Variants in MAPK8IP3 observed in about 807,000 individuals in gnomAD.
The protein encoded by MAPK8IP3 is mitogen-activated protein kinase 8 interacting protein 3.
MAPK8IP3 carries 49 observed loss-of-function variants against 157.8 expected under a neutral mutation model. The observed-to-expected ratio is 0.31, with a 90% CI of 0.25 to 0.39. The LOEUF (loss-of-function observed/expected upper bound fraction) is 0.39. Among genes scored for constraint, MAPK8IP3 ranks in the 10% least tolerant of loss-of-function variants. The pLI is 1.00. For synonymous variants in MAPK8IP3, 897 were observed against 777.7 expected, an observed-to-expected ratio of 1.15 and a Z score of -2.55; for missense variants, 1,478 against 1,889.4, an observed-to-expected ratio of 0.78 and a Z score of 4.04.
At chr16:1,740,514 C>T (rs539051214) in intron 4 of MAPK8IP3, among the ~76,000 whole-genome samples, 9 of 152,336 alleles carry the variant, frequency 5.9e-5, no homozygotes, top group Middle Eastern at 3.4e-3. Context: ...CGTGTGCGCA[C>T]GCTGTGGCCC....
chr16:1,717,196 A>T (rs1334476153), intron 1 of MAPK8IP3, among the ~76,000 whole-genome samples: 1 of 150,990 alleles, frequency 6.6e-6, no homozygotes, highest in East Asian at 1.9e-4. Flanking sequence ...AGATCGTGCC[A>T]CTGCATTCCA....
At chr16:1,744,307 G>T in intron 5 of MAPK8IP3, 1 of 985,920 alleles carries the variant, frequency 1.0e-6, no homozygotes. Context: ...GGCTGGGTTG[G>T]GCTGGTGGAT....
intron 8 of MAPK8IP3, among the ~76,000 whole-genome samples, chr16:1,757,491 T>C (rs1411421700): frequency 6.6e-6 from 1 of 152,158 alleles, no homozygotes; most frequent in African/African-American, 2.4e-5. Context: ...GAGGAAGTGG[T>C]GTTTTCCCGC....
intron 8 of MAPK8IP3, among the ~76,000 whole-genome samples, chr16:1,749,659 A>G (rs1275973219): frequency 1.3e-5 from 2 of 152,246 alleles, no homozygotes; most frequent in African/African-American, 4.8e-5. Context: ...GGCGGGCAGT[A>G]GGACAGCGCA....
Position 1,724,144 on chromosome 16 carries a change from C to T in MAPK8IP3, c.319-413C>T, listed in dbSNP as rs1183881594. 2.0e-5 allele frequency among the ~76,000 whole-genome samples: 3 copies of T among 152,212 alleles called. No individual in the cohort carries two copies. Among genetic ancestry groups the T allele is most frequent in the Non-Finnish European group, 4.4e-5 (3 of 68,036 alleles). On this transcript the variant is annotated intron_variant, in intron 1 of 31. Coordinates refer to ENST00000610761, the MANE Select transcript of MAPK8IP3 (RefSeq NM_001318852.2). This position sits in a 1 kb window ranked among gnomAD's most constrained non-coding sequence, Gnocchi z 4.1. ...CCAGTGTAAAAATGGAAACACAGGG[C>T]TCTATGTTCAAAAATTAGCAACATT...
intron 8 of MAPK8IP3, chr16:1,752,587 T>C: frequency 3.6e-6 from 1 of 280,928 alleles, no homozygotes; most frequent in Non-Finnish European, 7.2e-6. Flanking sequence ...TACAAAACAT[T>C]TTATAAAAAA....
intron 4 of MAPK8IP3, among the ~76,000 whole-genome samples, chr16:1,737,161 T>C (rs2040001093): frequency 1.1e-5 from 1 of 87,904 alleles, no homozygotes; most frequent in Non-Finnish European, 2.2e-5. Flanking sequence ...ACCGTCCGTG[T>C]GAGCATCCGT....
rs953056947 is a variant in MAPK8IP3, at chr16:1,763,753, C to T, written c.1995C>T (p.Cys665=). The T allele has an allele frequency of 7.1e-6, 11 of 1,548,820 alleles. No individual in the cohort carries two copies. The Admixed American group carries it at 9.0e-5, about 13-fold the overall frequency. Residue 665 remains cysteine (C), a synonymous_variant, in exon 17 of 32, where the codon TGC becomes TGT. Coordinates refer to ENST00000610761, the MANE Select transcript of MAPK8IP3 (RefSeq NM_001318852.2). The part of the protein sequence containing the change: ...VRNDDGRLQA[C]GWSLPAKYKQ... ...ACGACGACGGCCGTCTGCAGGCCTGCGGCTGGAGCCTGCCCGCCAAGTACA... is the reference window on the plus strand; with the variant it reads ...ACGACGACGGCCGTCTGCAGGCCTGTGGCTGGAGCCTGCCCGCCAAGTACA...
chr16:1,767,795 T>G lies in MAPK8IP3; in HGVS notation c.3410-10T>G, dbSNP rs781223832. 1 of 1,611,270 alleles carries G rather than the reference T, an allele frequency of 6.2e-7. No homozygotes were observed. Among genetic ancestry groups the G allele is most frequent in the East Asian group, 2.2e-5 (1 of 44,854 alleles). On this transcript the variant is annotated splice_polypyrimidine_tract_variant and intron_variant, in intron 27 of 31. Transcript: ENST00000610761. The stretch of plus-strand genomic sequence containing the variant: ...TCAAGGCCAGCCACCCTGACCGCTC[T>G]CCCCCACAGGCACTGGCAAGCTGGG...
intron 11 of MAPK8IP3, 88 bp downstream of exon 11, chr16:1,760,103 G>C (rs1225066289): frequency 1.4e-6 from 2 of 1,431,346 alleles, no homozygotes; most frequent in African/African-American, 2.8e-5. Context: ...GGGCGCCTTG[G>C]GGAGCACCTG....
chr16:1,729,072 C>T (rs367964375), intron 2 of MAPK8IP3, 66 bp from the exon 3 acceptor site: 97 of 1,482,564 alleles, frequency 6.5e-5, no homozygotes, highest in Non-Finnish European at 8.9e-5. Context: ...TCTGTGGTTA[C>T]AACCCAAGAG....
intron 1 of MAPK8IP3, among the ~76,000 whole-genome samples, chr16:1,712,979 T>C (rs2037892962): frequency 6.6e-6 from 1 of 152,222 alleles, no homozygotes; most frequent in Non-Finnish European, 1.5e-5. Context: ...CCTGAGCCTG[T>C]TGTTTCCTTT....
chr16:1,730,115 C>CA (rs1268606340), intron 4 of MAPK8IP3, among the ~76,000 whole-genome samples: 1 of 145,404 alleles, frequency 6.9e-6, no homozygotes, highest in Non-Finnish European at 1.5e-5. Flanking sequence ...ACTTCTAGGA[C>CA]ATACTGCCTC....
chr16:1,752,354 TG>T, intron 8 of MAPK8IP3: 1 of 242,694 alleles, frequency 4.1e-6, no homozygotes, highest in Non-Finnish European at 8.5e-6. Context: ...GCTGGTCATC[TG>T]GGCATCGCCG....
chr16:1,767,052 G>C (rs2042312132), intron 25 of MAPK8IP3, 81 bp downstream of exon 25: 2 of 1,576,088 alleles, frequency 1.3e-6, no homozygotes, highest in East Asian at 4.5e-5. Context: ...CGGGGTTCCA[G>C]GCCTCTCCTT....
intron 4 of MAPK8IP3, among the ~76,000 whole-genome samples, chr16:1,731,248 G>A (rs555630956): frequency 6.6e-6 from 1 of 152,228 alleles, no homozygotes; most frequent in East Asian, 1.9e-4. Context: ...AGAATCACCT[G>A]AACCCCAGGG....
chr16:1,717,403 T>A (rs1193409470), intron 1 of MAPK8IP3, among the ~76,000 whole-genome samples: 1 of 152,228 alleles, frequency 6.6e-6, no homozygotes, highest in East Asian at 1.9e-4. Flanking sequence ...GGTACCTAGA[T>A]GTGAGAGTTG....
intron 4 of MAPK8IP3, among the ~76,000 whole-genome samples, chr16:1,738,918 G>A (rs913218575): frequency 2.3e-5 from 3 of 129,262 alleles, no homozygotes; most frequent in African/African-American, 9.4e-5. Flanking sequence ...TAGCATCCAT[G>A]TGTGTGAGCG....
rs1028384933 is a variant in MAPK8IP3, at chr16:1,763,545, G to A, written c.1899-112G>A. ...GGGCACCCGGTGGCCGGGAAAAGGC[G>A]AGGATGGGCCCAGGCGGGCCTCCCT... On this transcript the variant is annotated intron_variant, in intron 16 of 31. Transcript: ENST00000610761. 7 of 1,337,590 alleles carry A rather than the reference G, an allele frequency of 5.2e-6. No individual in the cohort carries two copies. In the South Asian group the frequency reaches 1.1e-4, roughly 22 times the overall value. 82.9% of individuals were successfully genotyped at this position (1,337,590 alleles called of 1,614,324 possible).
Sources: gnomAD v4.1 joint callset for allele counts (sites outside exome capture counted in the v4.1 genomes callset) on GRCh38, gnomAD v4.1.1 for gene constraint, Gnocchi (gnomAD v3.1) non-coding constraint, MANE v1.5 for transcripts, NCBI Gene and HGNC (gene_info 2026-07-23, HGNC 2026-07-21) for gene names.